Variants in ROBO2 observed in about 807,000 individuals in gnomAD.
ROBO2 encodes the protein roundabout homolog 2.
A neutral mutation model predicts 160.8 loss-of-function variants in ROBO2; 53 were observed. The ratio of observed to expected loss-of-function variants is 0.33; its 90% CI spans 0.26 to 0.41. ROBO2 has a LOEUF of 0.41. Among genes scored for constraint, ROBO2 ranks in the 10% least tolerant of loss-of-function variants. The pLI, the probability that ROBO2 is intolerant of heterozygous loss-of-function variation, is 1.00. For synonymous variants in ROBO2, 664 were observed against 611.7 expected (o/e 1.09, Z -1.26); for missense variants, 1,577 against 1,722.4 (o/e 0.92, Z 1.49).
chr3:76,232,005 C>G (rs890819679), intron 2 of ROBO2, among the ~76,000 whole-genome samples: 1 of 152,052 alleles, frequency 6.6e-6, no homozygotes, highest in African/African-American at 2.4e-5. Context: ...AGATTAAAGG[C>G]TAACTTGCTC....
At chr3:76,945,925 T>C (rs2078510150) in intron 2 of ROBO2, among the ~76,000 whole-genome samples, 1 of 152,210 alleles carries the variant, frequency 6.6e-6, no homozygotes, top group Admixed American at 6.5e-5. Flanking sequence ...TTTTGATTGG[T>C]GGATTTTTTG....
At chr3:77,622,038 T>C (rs2094912734) in intron 22 of ROBO2, among the ~76,000 whole-genome samples, 189 bp from the exon 24 acceptor site, 1 of 152,080 alleles carries the variant, frequency 6.6e-6, no homozygotes, top group African/African-American at 2.4e-5. Context: ...TAATGGTTTA[T>C]GTTTTCCTTG....
intron 2 of ROBO2, among the ~76,000 whole-genome samples, chr3:76,000,489 ATTT>A (rs62945460): frequency 5.1e-4 from 58 of 114,102 alleles, no homozygotes; most frequent in Admixed American, 7.6e-4. Context: ...TTGTGCGCTT[ATTT>A]TTTTTTTTTT....
At chr3:77,063,706 G>A (rs1315762206) in intron 1 of ROBO2, among the ~76,000 whole-genome samples, 1 of 152,192 alleles carries the variant, frequency 6.6e-6, no homozygotes, top group African/African-American at 2.4e-5. Context: ...ACATAAGGAA[G>A]TGTTTAATAA....
intron 2 of ROBO2, among the ~76,000 whole-genome samples, chr3:76,053,626 T>C (rs2107828895): frequency 6.6e-6 from 1 of 152,232 alleles, no homozygotes; most frequent in East Asian, 1.9e-4. Context: ...CTATCTTCTG[T>C]AATGTAGGAT....
At chr3:77,338,593 A>G (rs1175388067) in intron 2 of ROBO2, among the ~76,000 whole-genome samples, 2 of 152,156 alleles carry the variant, frequency 1.3e-5, no homozygotes, top group African/African-American at 2.4e-5. Flanking sequence ...AGATTTTTTT[A>G]ATGGCAAACA....
chr3:76,364,966 C>T (rs906496697), intron 2 of ROBO2, among the ~76,000 whole-genome samples: 44 of 152,194 alleles, frequency 2.9e-4, no homozygotes, highest in African/African-American at 1.0e-3. Flanking sequence ...TTGCCCCCAA[C>T]TTATCTGGTG....
intron 2 of ROBO2, among the ~76,000 whole-genome samples, chr3:76,886,597 G>A (rs570379701): frequency 1.3e-5 from 2 of 152,194 alleles, no homozygotes; most frequent in South Asian, 4.1e-4. Context: ...CTCAGGGAAA[G>A]CATAATGTGA....
intron 21 of ROBO2, 131 bp from the exon 23 acceptor site, chr3:77,617,382 G>T: frequency 9.9e-7 from 1 of 1,007,404 alleles, no homozygotes; most frequent in Non-Finnish European, 1.5e-6. Flanking sequence ...GACACCAACA[G>T]CTTCAGGAAG....
intron 2 of ROBO2, among the ~76,000 whole-genome samples, chr3:77,023,764 A>G (rs999724306): frequency 1.3e-5 from 2 of 152,184 alleles, no homozygotes; most frequent in Non-Finnish European, 2.9e-5. Flanking sequence ...TGCCTATACT[A>G]ATGAAATTCT....
intron 2 of ROBO2, among the ~76,000 whole-genome samples, chr3:77,195,291 A>G (rs983896692): frequency 1.3e-5 from 2 of 152,196 alleles, no homozygotes; most frequent in African/African-American, 4.8e-5. Flanking sequence ...TACATGTCCA[A>G]TACTTTGGTG....
At chr3:76,568,789 T>C (rs1268486750) in intron 2 of ROBO2, among the ~76,000 whole-genome samples, 2 of 152,212 alleles carry the variant, frequency 1.3e-5, no homozygotes, top group Non-Finnish European at 2.9e-5. Flanking sequence ...AATCATTTTC[T>C]CTTTGATTTG....
intron 2 of ROBO2, among the ~76,000 whole-genome samples, chr3:76,962,151 A>G (rs1238952888): frequency 6.6e-6 from 1 of 152,120 alleles, no homozygotes; most frequent in Non-Finnish European, 1.5e-5. Context: ...ACTGGCCAAC[A>G]TGCCACAACC....
intron 2 of ROBO2, among the ~76,000 whole-genome samples, chr3:76,649,097 G>A (rs542970627): frequency 6.6e-6 from 1 of 152,042 alleles, no homozygotes; most frequent in African/African-American, 2.4e-5. Flanking sequence ...TGAATGATTA[G>A]TATTCTCAGA....
intron 2 of ROBO2, among the ~76,000 whole-genome samples, chr3:76,557,604 CTTT>C (rs58555009): frequency 3.0e-4 from 39 of 130,328 alleles, no homozygotes; most frequent in Non-Finnish European, 4.3e-4. Context: ...TAAAGGGTGC[CTTT>C]TTTTTTTTTT....
At chr3:76,235,802 CAG>C (rs1006502677) in intron 2 of ROBO2, among the ~76,000 whole-genome samples, 1 of 152,028 alleles carries the variant, frequency 6.6e-6, no homozygotes, top group East Asian at 1.9e-4. Flanking sequence ...GTTTTAAAAA[CAG>C]GGGCATTTTG....
intron 23 of ROBO2, among the ~76,000 whole-genome samples, chr3:77,627,691 G>T (rs1444334341): frequency 4.6e-5 from 7 of 152,272 alleles, no homozygotes; most frequent in African/African-American, 1.7e-4. Flanking sequence ...TCAATATTTG[G>T]ATTAATTTGT....
intron 2 of ROBO2, among the ~76,000 whole-genome samples, chr3:76,008,092 G>T (rs560177225): frequency 2.0e-5 from 3 of 151,800 alleles, no homozygotes; most frequent in South Asian, 4.2e-4. Context: ...AAATTACCTG[G>T]GTGTGGTAGT....
intron 2 of ROBO2, among the ~76,000 whole-genome samples, chr3:76,844,231 A>G (rs551324714): frequency 6.6e-6 from 1 of 152,160 alleles, no homozygotes; most frequent in East Asian, 1.9e-4. Context: ...TGCAACTGGT[A>G]CAAATAATAG....
Sources: allele counts gnomAD v4.1 joint callset (sites outside exome capture counted in the v4.1 genomes callset), GRCh38; gene constraint gnomAD v4.1.1; transcripts MANE v1.5; gene names NCBI Gene and HGNC (gene_info 2026-07-23, HGNC 2026-07-21).